The following SCD5 variants were observed in gnomAD, a reference collection of about 807,000 sequenced individuals.
SCD5 encodes the protein acyl-CoA-desaturase 4.
A neutral mutation model predicts 30.4 loss-of-function variants in SCD5; 20 were observed. That is an observed-to-expected ratio of 0.66 (90% CI 0.46 to 0.96). The LOEUF is 0.96. SCD5 is among the 40% of genes least tolerant of loss of function. The pLI is 0.00. For missense variants in SCD5, 381 were observed against 443.3 expected, an observed-to-expected ratio of 0.86 and a Z score of 1.26; for synonymous variants, 173 against 176.4, an observed-to-expected ratio of 0.98 and a Z score of 0.16.
At chr4:82,781,686 A>C (rs779046643) in intron 1 of SCD5, among the ~76,000 whole-genome samples, 9 of 152,194 alleles carry the variant, frequency 5.9e-5, no homozygotes, top group Non-Finnish European at 1.0e-4. Context: ...CTAACTATAA[A>C]AGGATGAGGT....
At chr4:82,676,129 G>A (rs7682126) in intron 3 of SCD5, among the ~76,000 whole-genome samples, 101,052 of 151,780 alleles carry the variant, frequency 0.67, 34,204 homozygotes, top group Non-Finnish European at 0.74. Flanking sequence ...CTTCTGGTTG[G>A]AGATTTAGTG....
At chr4:82,750,640 C>CA (rs796212996) in intron 1 of SCD5, among the ~76,000 whole-genome samples, 5,024 of 132,034 alleles carry the variant, frequency 0.038, 241 homozygotes, top group African/African-American at 0.12. Context: ...CTGCTTGTAG[C>CA]AAAAAAAAAA....
At chr4:82,751,720 T>C (rs1721106614) in intron 1 of SCD5, among the ~76,000 whole-genome samples, 1 of 152,142 alleles carries the variant, frequency 6.6e-6, no homozygotes, top group Admixed American at 6.6e-5. Flanking sequence ...TTTGACTCCC[T>C]GGTTCAAGCA....
In SCD5 at chr4:82,631,155, T is replaced by C. The variant is rs532313878; in HGVS notation, c.*172A>G. On this transcript the variant is annotated 3_prime_UTR_variant, in exon 5 of 5. Coordinates refer to ENST00000319540, the MANE Select transcript of SCD5 (RefSeq NM_001037582.3). ...AAAAAAACGAAAGTTTTTTCATTGA[T>C]AATTGTATTTCAACATTATTTTGAG... 8.4e-4 allele frequency: 439 copies of C among 523,412 alleles called. 1 individual carries two copies. Among genetic ancestry groups the C allele is most frequent in the South Asian group, 1.7e-3 (39 of 23,634 alleles). The allele number at this position is 523,412 out of a possible 1,614,324, so 32.4% of individuals were successfully genotyped here.
chr4:82,630,221 G>A lies in SCD5; in HGVS notation c.*1106C>T, dbSNP rs553595118. 3 of 152,114 alleles carry A rather than the reference G, an allele frequency of 2.0e-5. No individual in the cohort carries two copies. Among genetic ancestry groups the A allele is most frequent in the African/African-American group, 7.2e-5 (3 of 41,416 alleles). 9.4% of individuals were successfully genotyped at this position (152,114 alleles called of 1,614,324 possible). On this transcript the variant is annotated 3_prime_UTR_variant, in exon 5 of 5. Transcript: ENST00000319540. ...AGGGCTCAGGACACAAAACGAGCTG[G>A]GCAGTGAACAAATCTCTCTTGAAAC...
intron 1 of SCD5, among the ~76,000 whole-genome samples, chr4:82,750,417 C>T (rs1307745888): frequency 6.6e-6 from 1 of 152,150 alleles, no homozygotes; most frequent in African/African-American, 2.4e-5. Flanking sequence ...TTCACACATG[C>T]AAGAAGTAAA....
intron 1 of SCD5, among the ~76,000 whole-genome samples, 177 bp from the exon 2 acceptor site, chr4:82,705,590 G>C (rs535117736): frequency 6.6e-6 from 1 of 152,320 alleles, no homozygotes; most frequent in East Asian, 1.9e-4. Flanking sequence ...TAGCATCCCA[G>C]TACCATGCAT....
At chr4:82,778,472 T>C (rs1721800186) in intron 1 of SCD5, among the ~76,000 whole-genome samples, 1 of 152,228 alleles carries the variant, frequency 6.6e-6, no homozygotes, top group Non-Finnish European at 1.5e-5. Context: ...CTGCAATTCT[T>C]TGGAAGGATT....
intron 1 of SCD5, among the ~76,000 whole-genome samples, chr4:82,769,452 GA>G (rs924771331): frequency 3.9e-5 from 6 of 152,128 alleles, no homozygotes; most frequent in Admixed American, 1.3e-4. Context: ...GAGGATTAGA[GA>G]TTTTTTTAAT....
chr4:82,735,861 C>G (rs78055208), intron 1 of SCD5, among the ~76,000 whole-genome samples: 1,546 of 152,286 alleles, frequency 0.01, 21 homozygotes, highest in African/African-American at 0.035. Flanking sequence ...ATCAATTAGC[C>G]CGTGGTTAAA....
At chr4:82,718,956 G>A (rs1326208243) in intron 1 of SCD5, among the ~76,000 whole-genome samples, 11 of 151,368 alleles carry the variant, frequency 7.3e-5, no homozygotes, top group Non-Finnish European at 1.2e-4. Context: ...AAGCACGTAC[G>A]AGCACCTTCC....
intron 2 of SCD5, among the ~76,000 whole-genome samples, chr4:82,697,113 CTTT>C (rs1719712969): frequency 6.6e-6 from 1 of 152,186 alleles, no homozygotes; most frequent in Non-Finnish European, 1.5e-5. Context: ...TTCTAAAGAT[CTTT>C]AGGAAAAGAA....
intron 1 of SCD5, among the ~76,000 whole-genome samples, chr4:82,781,352 G>A (rs1276268288): frequency 6.6e-6 from 1 of 151,704 alleles, no homozygotes; most frequent in Non-Finnish European, 1.5e-5. Flanking sequence ...GGAGGCAGAG[G>A]TTGCAGTGAG....
At chr4:82,701,884 T>A (rs1719850735) in intron 2 of SCD5, among the ~76,000 whole-genome samples, 1 of 152,120 alleles carries the variant, frequency 6.6e-6, no homozygotes, top group African/African-American at 2.4e-5. Context: ...CAAATCTGAA[T>A]CCTGGCTCTT....
At chr4:82,648,981 C>T (rs923642135) in intron 3 of SCD5, among the ~76,000 whole-genome samples, 3 of 152,044 alleles carry the variant, frequency 2.0e-5, no homozygotes, top group East Asian at 1.9e-4. Flanking sequence ...ATCATTCTGG[C>T]ATATAGTGTC....
chr4:82,783,895 T>C (rs1198613449), intron 1 of SCD5, among the ~76,000 whole-genome samples: 13 of 152,268 alleles, frequency 8.5e-5, no homozygotes, highest in Non-Finnish European at 1.8e-4. Flanking sequence ...ATAACTGTGC[T>C]GTGGTTATAT....
chr4:82,686,457 C>T (rs1198489596), intron 2 of SCD5, among the ~76,000 whole-genome samples: 1 of 152,160 alleles, frequency 6.6e-6, no homozygotes, highest in East Asian at 1.9e-4. Context: ...TAAAATTGTG[C>T]ATATATTTTC....
chr4:82,723,770 T>C (rs955548251), intron 1 of SCD5, among the ~76,000 whole-genome samples: 1 of 152,154 alleles, frequency 6.6e-6, no homozygotes, highest in Non-Finnish European at 1.5e-5. Flanking sequence ...CACAAAAATG[T>C]GGGACATTCT....
At chr4:82,659,298 T>A (rs1334838046) in intron 3 of SCD5, among the ~76,000 whole-genome samples, 1 of 152,212 alleles carries the variant, frequency 6.6e-6, no homozygotes, top group Non-Finnish European at 1.5e-5. Flanking sequence ...GATTCATTGA[T>A]TTTTTGAAGG....
Sources: gnomAD v4.1 joint callset for allele counts (sites outside exome capture counted in the v4.1 genomes callset) on GRCh38, gnomAD v4.1.1 for gene constraint, MANE v1.5 for transcripts, NCBI Gene and HGNC (gene_info 2026-07-23, HGNC 2026-07-21) for gene names.